Variants in SOX6 observed in about 807,000 individuals in gnomAD.
SOX6 encodes the protein transcription factor SOX-6.
SOX6 carries 11 observed loss-of-function variants against 97.8 expected under a neutral mutation model. That is an observed-to-expected ratio of 0.11 (90% CI 0.07 to 0.19). SOX6 has a LOEUF of 0.19. SOX6 is among the 10% of genes least tolerant of loss of function. SOX6 has a pLI of 1.00. For synonymous variants in SOX6, 360 were observed against 371.4 expected, an observed-to-expected ratio of 0.97 and a Z score of 0.35; for missense variants, 810 against 1,039.5, an observed-to-expected ratio of 0.78 and a Z score of 3.04.
intron 6 of SOX6, among the ~76,000 whole-genome samples, chr11:16,131,207 A>T (rs76694611): frequency 0.013 from 1,969 of 152,060 alleles, 38 homozygotes; most frequent in African/African-American, 0.045. Context: ...AAGAAAAAAA[A>T]ATAAAGGACT....
chr11:16,285,363 T>C (rs1854702045), intron 3 of SOX6, among the ~76,000 whole-genome samples: 1 of 151,994 alleles, frequency 6.6e-6, no homozygotes, highest in Non-Finnish European at 1.5e-5. Flanking sequence ...AGAAACCCTG[T>C]CTCTACCAAA....
At chr11:16,548,109 A>T (rs765289700) in intron 4 of SOX6, among the ~76,000 whole-genome samples, 1 of 152,174 alleles carries the variant, frequency 6.6e-6, no homozygotes, top group Non-Finnish European at 1.5e-5. Context: ...AAGCTCAAAG[A>T]CCATAAAACA....
chr11:16,522,419 G>A (rs11023977), intron 4 of SOX6, among the ~76,000 whole-genome samples: 2 of 151,890 alleles, frequency 1.3e-5, no homozygotes, highest in African/African-American at 4.8e-5. Context: ...CCTTTACAGA[G>A]AAGCAAATGC....
chr11:16,496,924 C>A (rs984376827), intron 4 of SOX6, among the ~76,000 whole-genome samples: 1 of 152,190 alleles, frequency 6.6e-6, no homozygotes, highest in African/African-American at 2.4e-5. Context: ...GCAGCAGAAA[C>A]CTCTGCAGAC....
At chr11:16,304,254 G>A (rs1426014389) in intron 3 of SOX6, among the ~76,000 whole-genome samples, 1 of 152,082 alleles carries the variant, frequency 6.6e-6, no homozygotes, top group African/African-American at 2.4e-5. Context: ...ATATGTTGCT[G>A]TGTTCTGAAT....
intron 6 of SOX6, among the ~76,000 whole-genome samples, chr11:16,180,632 G>A (rs557328925): frequency 9.9e-5 from 15 of 151,566 alleles, no homozygotes; most frequent in Non-Finnish European, 1.9e-4. Flanking sequence ...ATATTAAAGT[G>A]ATATTTTAAT....
intron 4 of SOX6, among the ~76,000 whole-genome samples, chr11:16,517,183 A>C (rs1860987759): frequency 6.6e-6 from 1 of 152,172 alleles, no homozygotes; most frequent in Non-Finnish European, 1.5e-5. Flanking sequence ...GTATTTCAAA[A>C]TAATAAGAGC....
At chr11:16,596,706 T>C (rs899022495) in intron 4 of SOX6, among the ~76,000 whole-genome samples, 2 of 152,234 alleles carry the variant, frequency 1.3e-5, no homozygotes, top group Non-Finnish European at 2.9e-5. Flanking sequence ...TTTGAAATTA[T>C]GTAATCAAGT....
intron 13 of SOX6, 141 bp from the exon 14 acceptor site, chr11:15,989,371 G>A (rs1372222204): frequency 3.2e-6 from 2 of 632,848 alleles, no homozygotes; most frequent in Admixed American, 3.0e-5. Context: ...GTAGAAGGCA[G>A]GTTCAAATGA....
chr11:16,401,451 T>C (rs1280474340), intron 1 of SOX6, among the ~76,000 whole-genome samples: 2 of 151,524 alleles, frequency 1.3e-5, no homozygotes, highest in African/African-American at 4.8e-5. Context: ...CTCTCCTCAA[T>C]CACTAAAATG....
intron 2 of SOX6, among the ~76,000 whole-genome samples, chr11:16,720,521 C>T (rs1471870355): frequency 8.0e-6 from 1 of 124,972 alleles, no homozygotes; most frequent in South Asian, 3.0e-4. Context: ...GGAAGGGGAA[C>T]ATCACACTCT....
rs554341200 is a variant in SOX6 at position 16,326,438 on chromosome 11, G to A, written c.238-7785C>T. Among the ~76,000 whole-genome samples, 28 of 151,838 alleles carry A rather than the reference G, an allele frequency of 1.8e-4. No individual in the cohort carries two copies. In the South Asian group the frequency reaches 4.0e-3, roughly 21 times the overall value. On this transcript the variant is annotated intron_variant, in intron 2 of 15. Transcript: ENST00000683767. Reference sequence around the variant, plus strand: ...CCCTCCATGTCACATAGGCAGGACCGGTAAAAATCTTTAACTGCAGGTTTT... The same window carrying A: ...CCCTCCATGTCACATAGGCAGGACCAGTAAAAATCTTTAACTGCAGGTTTT...
At chr11:16,369,459 G>A (rs1398784044) in intron 1 of SOX6, among the ~76,000 whole-genome samples, 2 of 152,040 alleles carry the variant, frequency 1.3e-5, no homozygotes, top group Non-Finnish European at 2.9e-5. Context: ...AAAAGTATTT[G>A]TTTTATTCAC....
intron 6 of SOX6, among the ~76,000 whole-genome samples, chr11:16,173,322 C>A (rs927843159): frequency 1.3e-5 from 2 of 151,754 alleles, no homozygotes; most frequent in South Asian, 2.1e-4. Flanking sequence ...CTTCTAAGCT[C>A]CTGGGGGGTT....
At chr11:15,983,799 C>A (rs932436496) in intron 15 of SOX6, among the ~76,000 whole-genome samples, 6 of 152,020 alleles carry the variant, frequency 3.9e-5, no homozygotes, top group Non-Finnish European at 5.9e-5. Context: ...CTAAAATGAT[C>A]CTTCCATAAA....
intron 1 of SOX6, among the ~76,000 whole-genome samples, chr11:16,354,630 C>A (rs986327184): frequency 6.6e-6 from 1 of 151,904 alleles, no homozygotes; most frequent in African/African-American, 2.4e-5. Flanking sequence ...CTATTCAAAC[C>A]ACCTATTATT....
intron 13 of SOX6, among the ~76,000 whole-genome samples, chr11:16,013,339 A>G (rs1056835762): frequency 2.0e-5 from 3 of 152,050 alleles, no homozygotes; most frequent in African/African-American, 7.2e-5. Flanking sequence ...GAGATGGGCC[A>G]GACCTGAAAC....
chr11:16,152,365 A>G (rs1056043925), intron 6 of SOX6, among the ~76,000 whole-genome samples: 3 of 152,166 alleles, frequency 2.0e-5, no homozygotes, highest in Non-Finnish European at 2.9e-5. Context: ...TATCTGGAGA[A>G]CCCAAATCTG....
At chr11:16,142,565 G>A (rs1850174486) in intron 6 of SOX6, among the ~76,000 whole-genome samples, 1 of 152,102 alleles carries the variant, frequency 6.6e-6, no homozygotes, top group Non-Finnish European at 1.5e-5. Context: ...AGCTAAAGGA[G>A]GAAATTCGAA....
Sources: gnomAD v4.1 joint callset for allele counts (sites outside exome capture counted in the v4.1 genomes callset) on GRCh38, gnomAD v4.1.1 for gene constraint, MANE v1.5 for transcripts, NCBI Gene and HGNC (gene_info 2026-07-23, HGNC 2026-07-21) for gene names.